The following EBPL variants were observed in gnomAD, a reference collection of about 807,000 sequenced individuals.
EBPL encodes the protein emopamil-binding protein-like.
A neutral mutation model predicts 19.0 loss-of-function variants in EBPL; 20 were observed. The ratio of observed to expected loss-of-function variants is 1.05; its 90% CI spans 0.74 to 1.53. The LOEUF (loss-of-function observed/expected upper bound fraction) is 1.53, where lower values mean the gene tolerates loss of function less well. Among genes scored for constraint, EBPL ranks in the 40% most tolerant of loss-of-function variants. EBPL has a pLI of 0.00. For missense variants in EBPL, 219 were observed against 261.1 expected (o/e 0.84, Z 1.11); for synonymous variants, 107 against 117.0 (o/e 0.91, Z 0.55).
At chr13:49,674,338 A>C (rs1953852953) in intron 1 of EBPL, among the ~76,000 whole-genome samples, 2 of 152,250 alleles carry the variant, frequency 1.3e-5, no homozygotes, top group Middle Eastern at 3.4e-3. Context: ...TCCTGACCTC[A>C]GGTGATCCAC....
intron 2 of EBPL, among the ~76,000 whole-genome samples, chr13:49,667,102 G>A (rs1965240231): frequency 1.3e-5 from 2 of 152,014 alleles, no homozygotes; most frequent in Non-Finnish European, 2.9e-5. Context: ...AGGAAGGTAG[G>A]GGACGGATAG....
intron 1 of EBPL, among the ~76,000 whole-genome samples, chr13:49,686,322 C>T (rs931602345): frequency 1.3e-5 from 2 of 152,154 alleles, no homozygotes; most frequent in African/African-American, 4.8e-5. Flanking sequence ...AGCTACCCTC[C>T]TGCTCTTCCT....
intron 1 of EBPL, among the ~76,000 whole-genome samples, 188 bp downstream of exon 1, chr13:49,691,066 C>G (rs941376279): frequency 6.6e-5 from 10 of 152,216 alleles, no homozygotes; most frequent in Non-Finnish European, 1.5e-4. Context: ...GCGCTCTGTT[C>G]ACAGACCTGG....
intron 1 of EBPL, chr13:49,686,560 A>G (rs1457833351): frequency 7.8e-7 from 1 of 1,289,700 alleles, no homozygotes; most frequent in East Asian, 5.5e-5. Context: ...CCAGGACCCC[A>G]GCACTCTCCT....
At chr13:49,677,547 AAAAC>A (rs1224020921) in intron 1 of EBPL, among the ~76,000 whole-genome samples, 3 of 152,204 alleles carry the variant, frequency 2.0e-5, no homozygotes, top group Admixed American at 6.5e-5. Context: ...ACGCCATGCA[AAAAC>A]AAACAAACTA....
At chr13:49,684,631 C>T (rs568518342) in intron 1 of EBPL, among the ~76,000 whole-genome samples, 140 of 152,144 alleles carry the variant, frequency 9.2e-4, no homozygotes, top group Admixed American at 2.2e-3. Flanking sequence ...GCTGAGATCG[C>T]GCCACTGCAC....
chr13:49,668,882 T>A (rs1195928922), intron 2 of EBPL, among the ~76,000 whole-genome samples: 1 of 77,542 alleles, frequency 1.3e-5, no homozygotes, highest in Non-Finnish European at 3.4e-5. Context: ...ACTACCAACA[T>A]TTTTTTTTTT....
At chr13:49,666,846 G>A (rs538708478) in intron 2 of EBPL, among the ~76,000 whole-genome samples, 5 of 150,100 alleles carry the variant, frequency 3.3e-5, no homozygotes, top group South Asian at 2.1e-4. Context: ...CTGACATTGC[G>A]CCACTGCACT....
chr13:49,685,420 A>G (rs1283382719), intron 1 of EBPL, among the ~76,000 whole-genome samples: 1 of 152,228 alleles, frequency 6.6e-6, no homozygotes, highest in Admixed American at 6.5e-5. Flanking sequence ...AGTGTGGGTG[A>G]AATTGTTTGT....
chr13:49,674,120 CT>C (rs1323465699), intron 1 of EBPL, among the ~76,000 whole-genome samples: 1 of 151,746 alleles, frequency 6.6e-6, no homozygotes, highest in Non-Finnish European at 1.5e-5. Flanking sequence ...ATAACTTTTT[CT>C]TTTTTTAGAC....
chr13:49,672,604 T>G (rs1953829940), intron 1 of EBPL, among the ~76,000 whole-genome samples: 2 of 152,030 alleles, frequency 1.3e-5, no homozygotes, highest in Admixed American at 1.3e-4. Flanking sequence ...ATAACAATAA[T>G]AATAATCTGG....
At chr13:49,667,655 C>T (rs376377580) in intron 2 of EBPL, among the ~76,000 whole-genome samples, 14 of 152,218 alleles carry the variant, frequency 9.2e-5, no homozygotes, top group East Asian at 3.9e-4. Flanking sequence ...GTTTTTACTG[C>T]GTTTTGGTTT....
rs948303832 is a variant in EBPL at position 49,691,458 on chromosome 13, A to C, written c.-34T>G. 6 of 1,299,148 alleles carry C rather than the reference A, an allele frequency of 4.6e-6. No homozygotes were observed. Among genetic ancestry groups the C allele is most frequent in the Admixed American group, 3.2e-5 (1 of 31,172 alleles). 80.5% of individuals were successfully genotyped at this position (1,299,148 alleles called of 1,614,324 possible). A position where few individuals can be genotyped will look rare whatever the true frequency, so the allele number is the denominator to read the frequency against. On this transcript the variant is annotated 5_prime_UTR_variant, in exon 1 of 4. The change abolishes an upstream ATG in the 5' untranslated region. Coordinates refer to ENST00000242827, the MANE Select transcript of EBPL (RefSeq NM_032565.5). ...CTTCCGACGCCAACGGCCCAGGACC[A>C]TGCGGCAGAGGAAAGCAGGGAGAGA...
intron 1 of EBPL, among the ~76,000 whole-genome samples, chr13:49,679,884 T>TAC (rs1491007372): frequency 7.9e-6 from 1 of 127,038 alleles, no homozygotes; most frequent in Non-Finnish European, 1.9e-5. Flanking sequence ...AGAGTCAAGC[T>TAC]ATATATATAT....
intron 1 of EBPL, among the ~76,000 whole-genome samples, chr13:49,680,552 A>G (rs777670141): frequency 2.8e-4 from 43 of 152,176 alleles, no homozygotes; most frequent in Non-Finnish European, 5.9e-4. Context: ...AAAAAGATAC[A>G]TAGGCTTATG....
At chr13:49,680,681 G>A (rs929545135) in intron 1 of EBPL, among the ~76,000 whole-genome samples, 43 of 152,124 alleles carry the variant, frequency 2.8e-4, no homozygotes, top group African/African-American at 8.0e-4. Context: ...AATTAGCTGC[G>A]CGTGGTGGCA....
chr13:49,679,316 T>C (rs577876158), intron 1 of EBPL, among the ~76,000 whole-genome samples: 27 of 152,284 alleles, frequency 1.8e-4, no homozygotes, highest in Non-Finnish European at 3.5e-4. Context: ...CAACGTATGA[T>C]AGAGATCCAG....
At chr13:49,671,186 G>T (rs9535293) in intron 1 of EBPL, among the ~76,000 whole-genome samples, 31,858 of 152,136 alleles carry the variant, frequency 0.21, 3,902 homozygotes, top group Non-Finnish European at 0.28. Flanking sequence ...AAGATAGGCT[G>T]GAGTGTGGTG....
intron 2 of EBPL, among the ~76,000 whole-genome samples, chr13:49,666,267 T>A (rs1359246658): frequency 2.6e-5 from 4 of 152,162 alleles, no homozygotes; most frequent in Non-Finnish European, 5.9e-5. Flanking sequence ...GGGACAAGCA[T>A]TTGTCCCCTC....
Sources: allele counts gnomAD v4.1 joint callset (sites outside exome capture counted in the v4.1 genomes callset), GRCh38; gene constraint gnomAD v4.1.1; transcripts MANE v1.5; gene names NCBI Gene and HGNC (gene_info 2026-07-23, HGNC 2026-07-21).